The following CELA2A variants were observed in gnomAD, a reference collection of about 807,000 sequenced individuals.
The protein encoded by CELA2A is chymotrypsin like elastase 2A.
In CELA2A, 31 loss-of-function variants were observed where a neutral mutation model predicts 35.3. The observed-to-expected ratio is 0.88, with a 90% CI of 0.66 to 1.19. CELA2A has a LOEUF of 1.19. Ranked by LOEUF, CELA2A falls within the 50% of genes most tolerant of loss-of-function variation. CELA2A has a pLI of 0.00. For synonymous variants in CELA2A, 150 were observed against 149.8 expected (o/e 1.00, Z -0.01); for missense variants, 330 against 352.9 (o/e 0.94, Z 0.52).
At chr1:15,465,450 ACCAGCATATTTTT>A (rs1401565065) in intron 5 of CELA2A, among the ~76,000 whole-genome samples, 3 of 152,094 alleles carry the variant, frequency 2.0e-5, no homozygotes, top group African/African-American at 7.2e-5. Flanking sequence ...CCTTCACCAC[ACCAGCATATTTTT>A]CCCAAGGAGG....
chr1:15,461,006 A>G (rs1396088611), intron 2 of CELA2A, among the ~76,000 whole-genome samples: 1 of 152,124 alleles, frequency 6.6e-6, no homozygotes, highest in African/African-American at 2.4e-5. Context: ...GGCAGAAGGG[A>G]AAGGAAACAC....
chr1:15,467,851 G>A (rs1226951731), intron 7 of CELA2A, among the ~76,000 whole-genome samples: 1 of 152,092 alleles, frequency 6.6e-6, no homozygotes. Flanking sequence ...CTCTTTGGGA[G>A]GCCAAGGCGG....
chr1:15,471,891 C>T lies in CELA2A; in HGVS notation c.793-99C>T, dbSNP rs1708598258. ...CTACTGTAGTGTGGGCTGCCTGTAA[C>T]TCACATGAGTAGCTTAGCCCAGGAG... On this transcript the variant is annotated intron_variant, in intron 7 of 7. Coordinates refer to ENST00000359621, the MANE Select transcript of CELA2A (RefSeq NM_033440.3). 3 of 1,477,134 alleles carry T rather than the reference C, an allele frequency of 2.0e-6. No individual in the cohort carries two copies. The South Asian group carries it at 3.4e-5, about 17-fold the overall frequency. 91.5% of individuals were successfully genotyped at this position (1,477,134 alleles called of 1,614,324 possible). A position where few individuals can be genotyped will look rare whatever the true frequency, so the allele number is the denominator to read the frequency against.
intron 5 of CELA2A, 64 bp downstream of exon 5, chr1:15,463,586 C>A: frequency 6.2e-7 from 1 of 1,607,334 alleles, no homozygotes. Context: ...TCACCCCTGT[C>A]TGGCCGGGGC....
chr1:15,456,957 G>T, intron 1 of CELA2A, 129 bp from the exon 2 acceptor site: 1 of 1,276,940 alleles, frequency 7.8e-7, no homozygotes, highest in Non-Finnish European at 1.1e-6. Flanking sequence ...CAAAGAGCAG[G>T]ATTCTATGAC....
chr1:15,457,421 G>T, intron 2 of CELA2A: 1 of 446,910 alleles, frequency 2.2e-6, no homozygotes, highest in Non-Finnish European at 4.1e-6. Context: ...AGACCAGCCT[G>T]GCCAACATGG....
At chr1:15,467,616 A>T in intron 7 of CELA2A, 78 bp downstream of exon 7, 2 of 1,528,716 alleles carry the variant, frequency 1.3e-6, no homozygotes, top group Non-Finnish European at 1.8e-6. Flanking sequence ...CCACCTGGTG[A>T]CTGAGAATCC....
intron 6 of CELA2A, among the ~76,000 whole-genome samples, chr1:15,466,924 T>C (rs533834099): frequency 6.6e-6 from 1 of 151,636 alleles, no homozygotes; most frequent in Non-Finnish European, 1.5e-5. Flanking sequence ...TAGGAAAGAG[T>C]TCCACACGCC....
chr1:15,469,210 T>G (rs1483840768), intron 7 of CELA2A, among the ~76,000 whole-genome samples: 10 of 151,006 alleles, frequency 6.6e-5, no homozygotes, highest in African/African-American at 2.4e-4. Context: ...AAAGAAAGAG[T>G]TGCCCATGAG....
chr1:15,465,922 A>G lies in CELA2A; in HGVS notation c.494-77A>G, dbSNP rs912760799. On this transcript the variant is annotated intron_variant, in intron 5 of 7. Coordinates refer to ENST00000359621, the MANE Select transcript of CELA2A (RefSeq NM_033440.3). Reference sequence around the variant, plus strand: ...ATGGATGGAAGACAGGAACAGGGGAAACCTAAGACGGGTCCATCACTTCCT... The same window carrying G: ...ATGGATGGAAGACAGGAACAGGGGAGACCTAAGACGGGTCCATCACTTCCT... 12 of 1,539,410 alleles carry G rather than the reference A, an allele frequency of 7.8e-6. No individual in the cohort carries two copies. In the African/African-American group the frequency reaches 1.6e-4, roughly 21 times the overall value.
Position 15,466,555 on chromosome 1 carries a change from C to CA in CELA2A, c.639+422dup, listed in dbSNP as rs573811979. Among the ~76,000 whole-genome samples the CA allele has an allele frequency of 8.8e-3, 1,229 of 140,128 alleles. 3 individuals are homozygous for CA. Among genetic ancestry groups the CA allele is most frequent in the Non-Finnish European group, 0.011 (702 of 64,076 alleles). The allele number at this position is 140,128 out of a possible 152,430, so 91.9% of individuals were successfully genotyped here. A position where few individuals can be genotyped will look rare whatever the true frequency, so the allele number is the denominator to read the frequency against. ...CCAGCCTGGGTGACAGAGCGAAACT[C>CA]AAAAAAAAAAACAAAAAAACTTGAT... On this transcript the variant is annotated intron_variant, in intron 6 of 7. Transcript: ENST00000359621.
chr1:15,469,412 A>G (rs2103306540), intron 7 of CELA2A, among the ~76,000 whole-genome samples: 1 of 152,316 alleles, frequency 6.6e-6, no homozygotes, highest in Non-Finnish European at 1.5e-5. Flanking sequence ...AAAGAAGGGG[A>G]AAGCTGGCAT....
chr1:15,465,892 T>C (rs1708509715), intron 5 of CELA2A, 107 bp from the exon 6 acceptor site: 4 of 1,339,290 alleles, frequency 3.0e-6, no homozygotes, highest in Admixed American at 1.8e-5. Flanking sequence ...TGTTCGCATG[T>C]TGCAATGGAT....
rs1708532295 is a variant in CELA2A at position 15,467,366 on chromosome 1, A to G, written c.640-20A>G. 5.0e-6 allele frequency: 8 copies of G among 1,611,180 alleles called. No homozygotes were observed. Among genetic ancestry groups the G allele is most frequent in the African/African-American group, 1.3e-5 (1 of 74,924 alleles). On this transcript the variant is annotated intron_variant, in intron 6 of 7. Transcript: ENST00000359621. ...CCCCTTCCTCTCCCTTTACCTGCCTATAACTCTGGCCTTCCTCAGGGAGAC... is the reference window on the plus strand; with the variant it reads ...CCCCTTCCTCTCCCTTTACCTGCCTGTAACTCTGGCCTTCCTCAGGGAGAC...
Position 15,466,098 on chromosome 1 carries a change from C to A in CELA2A, c.593C>A (p.Thr198Asn). The A allele has an allele frequency of 1.2e-6, 2 of 1,614,098 alleles. No homozygotes were observed. The highest frequency in any genetic ancestry group is 2.2e-5 in the South Asian group (2 of 91,082). Residue 198 changes from threonine to asparagine, a missense_variant, in exon 6 of 8, where the codon ACC becomes AAC. By Grantham distance (65) the Thr-to-Asn change is moderately conservative. Transcript: ENST00000359621. ...GCCTGGTGGGGCAGCAGCGTGAAAA[C>A]CAGTATGATCTGTGCTGGGGGTGAT... ...SSAWWGSSVK[T>N]SMICAGGDGV...
At chr1:15,471,275 G>T (rs181618992) in intron 7 of CELA2A, among the ~76,000 whole-genome samples, 19 of 152,100 alleles carry the variant, frequency 1.2e-4, no homozygotes, top group Non-Finnish European at 2.4e-4. Context: ...GGCTGGGCGC[G>T]GTGGCTCACG....
chr1:15,462,703 G>A lies in CELA2A; in HGVS notation c.228-30G>A, dbSNP rs201222086. On this transcript the variant is annotated intron_variant, in intron 3 of 7. Transcript: ENST00000359621. The stretch of plus-strand genomic sequence containing the variant: ...TATCCAAAGCCAGGCCTCTGGAGGT[G>A]ACCCTCTCCCTGGGCCCCCTTTCTC... The A allele has an allele frequency of 7.0e-4, 1,137 of 1,613,082 alleles. 1 individual carries two copies. The highest frequency in any genetic ancestry group is 9.1e-4 in the Non-Finnish European group (1,079 of 1,179,476).
intron 5 of CELA2A, among the ~76,000 whole-genome samples, chr1:15,465,491 A>C (rs1398693260): frequency 6.6e-6 from 1 of 152,136 alleles, no homozygotes; most frequent in Non-Finnish European, 1.5e-5. Context: ...AACAGCCAGG[A>C]GGCTCACTTT....
intron 6 of CELA2A, 133 bp downstream of exon 6, chr1:15,466,277 C>G: frequency 1.7e-6 from 2 of 1,171,598 alleles, no homozygotes; most frequent in Non-Finnish European, 2.4e-6. Flanking sequence ...CCAGATATAT[C>G]TTTGGCCAGG....
Sources: allele counts gnomAD v4.1 joint callset (sites outside exome capture counted in the v4.1 genomes callset), GRCh38; gene constraint gnomAD v4.1.1; transcripts MANE v1.5; gene names NCBI Gene and HGNC (gene_info 2026-07-23, HGNC 2026-07-21).